TBC1D1: variants seen among roughly 807,000 people sequenced by gnomAD.
The protein encoded by TBC1D1 is TBC1 (tre-2/USP6, BUB2, cdc16) domain family, member 1.
In TBC1D1, 89 loss-of-function variants were observed where a neutral mutation model predicts 125.6. The ratio of observed to expected loss-of-function variants is 0.71; its 90% confidence interval spans 0.60 to 0.85. The LOEUF is 0.85. TBC1D1 is among the 40% of genes least tolerant of loss of function. The pLI is 0.00. For synonymous variants in TBC1D1, 565 were observed against 564.1 expected, an observed-to-expected ratio of 1.00 and a Z score of -0.02; for missense variants, 1,377 against 1,469.2, an observed-to-expected ratio of 0.94 and a Z score of 1.03.
chr4:38,107,163 G>T (rs1184738836), intron 15 of TBC1D1, among the ~76,000 whole-genome samples: 1 of 152,142 alleles, frequency 6.6e-6, no homozygotes, highest in African/African-American at 2.4e-5. Flanking sequence ...GACTCCCCGG[G>T]GTCAGTCTCC....
intron 2 of TBC1D1, among the ~76,000 whole-genome samples, chr4:38,001,406 T>G (rs1739060886): frequency 6.6e-6 from 1 of 152,140 alleles, no homozygotes; most frequent in African/African-American, 2.4e-5. Context: ...TTTAAGGGTT[T>G]TTATGAAGGT....
chr4:38,054,287 C>T lies in TBC1D1; in HGVS notation c.1999C>T (p.Leu667Phe), dbSNP rs769835580. 49 of 1,614,064 alleles carry T rather than the reference C, an allele frequency of 3.0e-5. 1 individual carries two copies. The South Asian group carries it at 5.3e-4, about 17-fold the overall frequency. ...GCATTCCTGGAGGCAGCAGATATTCCTCCGAGTAGCCACCCCGCAGAAGGC... is the reference window on the plus strand; with the variant it reads ...GCATTCCTGGAGGCAGCAGATATTCTTCCGAGTAGCCACCCCGCAGAAGGC... Residue 667 changes from leucine (L) to phenylalanine (F), a missense_variant, in exon 12 of 20, where the codon CTC becomes TTC. Transcript: ENST00000261439.
Position 38,021,591 on chromosome 4 carries a change from T to C in TBC1D1, c.1083T>C (p.Asp361=), listed in dbSNP as rs1380524989. 7 of 1,547,890 alleles carry C rather than the reference T, an allele frequency of 4.5e-6. No homozygotes were observed. The African/African-American group carries it at 9.8e-5, about 22-fold the overall frequency. ...CTTCTCTTCTCTTTGATTAGGTTGA[T>C]GAAATTATGATGACCCTGAAACAGG... The change falls in exon 6 of 20, where the codon GAT becomes GAC. Residue 361 remains aspartate, a synonymous_variant. Coordinates refer to ENST00000261439, the MANE Select transcript of TBC1D1 (RefSeq NM_015173.4).
chr4:37,970,941 GC>G (rs71190935), intron 2 of TBC1D1, among the ~76,000 whole-genome samples: 16 of 151,654 alleles, frequency 1.1e-4, no homozygotes, highest in Non-Finnish European at 1.8e-4. Flanking sequence ...TGCCTCACTG[GC>G]CCCCCCCACT....
chr4:38,083,395 G>A (rs1756916493), intron 12 of TBC1D1, among the ~76,000 whole-genome samples: 1 of 152,286 alleles, frequency 6.6e-6, no homozygotes, highest in East Asian at 1.9e-4. Flanking sequence ...ATAATTACCT[G>A]CACATCTTGT....
intron 13 of TBC1D1, among the ~76,000 whole-genome samples, chr4:38,094,641 T>C (rs889614881): frequency 2.0e-5 from 3 of 152,318 alleles, no homozygotes; most frequent in Non-Finnish European, 2.9e-5. Flanking sequence ...GGCCAGTTCT[T>C]TCTGGCTGTG....
intron 2 of TBC1D1, among the ~76,000 whole-genome samples, chr4:37,904,986 A>C (rs903834937): frequency 5.3e-5 from 8 of 152,230 alleles, no homozygotes; most frequent in African/African-American, 1.9e-4. Flanking sequence ...CCTCTTCTAA[A>C]CAGATGAGGT....
intron 2 of TBC1D1, among the ~76,000 whole-genome samples, chr4:37,935,002 A>G (rs1724088913): frequency 6.6e-6 from 1 of 152,118 alleles, no homozygotes; most frequent in Admixed American, 6.5e-5. Flanking sequence ...GGGAAAAGAG[A>G]CCGTGGAGAA....
intron 2 of TBC1D1, among the ~76,000 whole-genome samples, chr4:37,993,402 C>G (rs1272872014): frequency 6.6e-6 from 1 of 152,110 alleles, no homozygotes; most frequent in African/African-American, 2.4e-5. Flanking sequence ...GTAACTAAAT[C>G]AAGATGAAGC....
intron 2 of TBC1D1, among the ~76,000 whole-genome samples, chr4:38,007,315 A>T (rs1191979077): frequency 6.6e-6 from 1 of 151,574 alleles, no homozygotes; most frequent in African/African-American, 2.4e-5. Flanking sequence ...TGCGGTGGTG[A>T]GATCTCAGCT....
rs1309036886 is a variant in TBC1D1 at position 38,090,051 on chromosome 4, T to C, written c.2170T>C (p.Trp724Arg). ...GACATCTCGTGAGCTCCGAGAGCTG[T>C]GGCAAAAGGCTATTCTTCAACAGAT... Residue 724 changes from tryptophan (W) to arginine (R), a missense_variant, in exon 13 of 20, where the codon TGG becomes CGG. Coordinates refer to ENST00000261439, the MANE Select transcript of TBC1D1 (RefSeq NM_015173.4). 4.3e-6 allele frequency: 7 copies of C among 1,613,990 alleles called. No homozygotes were observed. Among genetic ancestry groups the C allele is most frequent in the Non-Finnish European group, 5.9e-6 (7 of 1,180,006 alleles).
intron 2 of TBC1D1, among the ~76,000 whole-genome samples, chr4:37,973,611 T>C (rs1371758096): frequency 6.6e-6 from 1 of 152,204 alleles, no homozygotes; most frequent in African/African-American, 2.4e-5. Context: ...TGGAGTATGA[T>C]GACATTTGTC....
chr4:38,069,622 T>C (rs1754352267), intron 12 of TBC1D1, among the ~76,000 whole-genome samples: 1 of 152,146 alleles, frequency 6.6e-6, no homozygotes, highest in Admixed American at 6.5e-5. Context: ...AGCTTGCTTG[T>C]TACTATATGC....
At chr4:38,052,251 C>T (rs1750735918) in intron 11 of TBC1D1, among the ~76,000 whole-genome samples, 191 bp downstream of exon 12, 1 of 151,364 alleles carries the variant, frequency 6.6e-6, no homozygotes, top group Non-Finnish European at 1.5e-5. Flanking sequence ...GTCATTTGAA[C>T]CAAGTTAATT....
At chr4:38,080,311 A>G (rs1422177235) in intron 12 of TBC1D1, among the ~76,000 whole-genome samples, 1 of 152,052 alleles carries the variant, frequency 6.6e-6, no homozygotes, top group Middle Eastern at 3.2e-3. Context: ...AAAAAAATCC[A>G]CGTGGATGAG....
chr4:38,109,614 C>A (rs1213197887), intron 15 of TBC1D1, among the ~76,000 whole-genome samples: 1 of 152,188 alleles, frequency 6.6e-6, no homozygotes, highest in East Asian at 1.9e-4. Context: ...GTTGGGCTCA[C>A]AGAGCCAGTG....
At chr4:38,125,907 G>A (rs1764554726) in intron 18 of TBC1D1, among the ~76,000 whole-genome samples, 1 of 152,178 alleles carries the variant, frequency 6.6e-6, no homozygotes. Context: ...AGCACTGGAA[G>A]GGATTTCATC....
At chr4:38,085,305 A>G (rs758949936) in intron 12 of TBC1D1, among the ~76,000 whole-genome samples, 3 of 152,150 alleles carry the variant, frequency 2.0e-5, no homozygotes, top group Non-Finnish European at 4.4e-5. Flanking sequence ...ATTGGAGGCT[A>G]TTGTTTCTGA....
intron 2 of TBC1D1, among the ~76,000 whole-genome samples, chr4:37,930,606 T>C (rs955070874): frequency 6.6e-6 from 1 of 152,140 alleles, no homozygotes; most frequent in African/African-American, 2.4e-5. Context: ...CAATTACAGA[T>C]GTGTGCCACT....
Sources: gnomAD v4.1 joint callset for allele counts (sites outside exome capture counted in the v4.1 genomes callset) on GRCh38, gnomAD v4.1.1 for gene constraint, MANE v1.5 for transcripts, NCBI Gene and HGNC (gene_info 2026-07-23, HGNC 2026-07-21) for gene names.